The following ZFPM2 variants were observed in gnomAD, a reference collection of about 807,000 sequenced individuals.
ZFPM2 encodes zinc finger protein ZFPM2.
Under a neutral mutation model 98.6 loss-of-function variants are expected in ZFPM2, and 20 were observed. The ratio of observed to expected loss-of-function variants is 0.20; its 90% confidence interval spans 0.14 to 0.29. The LOEUF is 0.29. ZFPM2 is among the 10% of genes least tolerant of loss of function. ZFPM2 has a pLI of 1.00. For synonymous variants in ZFPM2, 518 were observed against 502.7 expected (o/e 1.03, Z -0.41); for missense variants, 1,310 against 1,388.6 (o/e 0.94, Z 0.90).
At chr8:105,416,752 T>A (rs1381926336) in intron 1 of ZFPM2, among the ~76,000 whole-genome samples, 1 of 152,066 alleles carries the variant, frequency 6.6e-6, no homozygotes, top group Non-Finnish European at 1.5e-5. Flanking sequence ...TTTTGATAAG[T>A]CTATAAGACT....
At chr8:105,531,716 C>T (rs1192970199) in intron 3 of ZFPM2, among the ~76,000 whole-genome samples, 1 of 151,914 alleles carries the variant, frequency 6.6e-6, no homozygotes, top group Non-Finnish European at 1.5e-5. Flanking sequence ...TTTGTTTTGA[C>T]AAAAATATGC....
intron 5 of ZFPM2, among the ~76,000 whole-genome samples, chr8:105,719,922 A>G (rs150266848): frequency 0.014 from 2,097 of 152,052 alleles, 28 homozygotes; most frequent in Admixed American, 0.023. Flanking sequence ...GCAGAGACCA[A>G]TATTAGAGAA....
chr8:105,714,019 A>G (rs1811461937), intron 5 of ZFPM2, among the ~76,000 whole-genome samples: 1 of 152,016 alleles, frequency 6.6e-6, no homozygotes, highest in African/African-American at 2.4e-5. Flanking sequence ...TTTTATAGCA[A>G]TGGTGTTGAA....
chr8:105,798,666 C>A, intron 6 of ZFPM2, 58 bp from the exon 7 acceptor site: 4 of 1,484,654 alleles, frequency 2.7e-6, no homozygotes, highest in Non-Finnish European at 3.7e-6. Context: ...TGCTGCTTTA[C>A]CCACAGTTGG....
intron 5 of ZFPM2, among the ~76,000 whole-genome samples, chr8:105,719,314 C>A (rs1435336446): frequency 3.3e-5 from 5 of 151,836 alleles, no homozygotes; most frequent in Non-Finnish European, 5.9e-5. Flanking sequence ...CATGTCTTTT[C>A]ACTCCTCTTG....
chr8:105,525,728 T>A (rs1207852927), intron 3 of ZFPM2, among the ~76,000 whole-genome samples: 1 of 152,202 alleles, frequency 6.6e-6, no homozygotes, highest in African/African-American at 2.4e-5. Flanking sequence ...TTGCTTTAGA[T>A]GTGTTATATA....
chr8:105,381,941 CT>C (rs1166600868), intron 1 of ZFPM2, among the ~76,000 whole-genome samples: 1 of 152,068 alleles, frequency 6.6e-6, no homozygotes, highest in African/African-American at 2.4e-5. Context: ...GATTGGTAGA[CT>C]TTCTGTTAAG....
Position 105,756,475 on chromosome 8 carries a change from T to C in ZFPM2, c.533-32243T>C, listed in dbSNP as rs1812601069. 2.0e-5 allele frequency among the ~76,000 whole-genome samples: 3 copies of C among 152,168 alleles called. No individual in the cohort carries two copies. The South Asian group carries it at 6.2e-4, about 31-fold the overall frequency. On this transcript the variant is annotated intron_variant, in intron 5 of 7. Coordinates refer to ENST00000407775, the MANE Select transcript of ZFPM2 (RefSeq NM_012082.4). ...AAAAGCTCTGGTGGGCAGTCAAGGC[T>C]TTCAAGCATCCTGACAAATGCCCCT...
intron 1 of ZFPM2, among the ~76,000 whole-genome samples, chr8:105,352,736 T>C (rs1356292525): frequency 2.0e-5 from 3 of 152,144 alleles, no homozygotes; most frequent in Non-Finnish European, 4.4e-5. Flanking sequence ...AGAGCCCAAA[T>C]TGTGGTTCAG....
At chr8:105,594,659 A>G (rs567421531) in intron 4 of ZFPM2, among the ~76,000 whole-genome samples, 3 of 152,124 alleles carry the variant, frequency 2.0e-5, no homozygotes, top group Non-Finnish European at 1.5e-5. Flanking sequence ...CGCAAAGCTA[A>G]TTAATGTACA....
At chr8:105,773,856 A>G (rs1202073106) in intron 5 of ZFPM2, among the ~76,000 whole-genome samples, 2 of 152,094 alleles carry the variant, frequency 1.3e-5, no homozygotes, top group African/African-American at 4.8e-5. Context: ...AAAAGACATG[A>G]TAAGTCAACA....
chr8:105,791,928 C>G (rs183919779), intron 6 of ZFPM2, among the ~76,000 whole-genome samples: 7 of 152,168 alleles, frequency 4.6e-5, no homozygotes, highest in East Asian at 1.9e-4. Context: ...TGTGGGATCG[C>G]TGGTGATATC....
intron 2 of ZFPM2, among the ~76,000 whole-genome samples, chr8:105,432,967 T>A (rs1392422009): frequency 6.6e-6 from 1 of 152,048 alleles, no homozygotes; most frequent in Non-Finnish European, 1.5e-5. Flanking sequence ...GTGGGCATGG[T>A]GGCTTGGGCC....
intron 5 of ZFPM2, among the ~76,000 whole-genome samples, chr8:105,690,514 C>T (rs531760810): frequency 6.6e-6 from 1 of 152,208 alleles, no homozygotes; most frequent in East Asian, 1.9e-4. Flanking sequence ...GAGTAGGAGT[C>T]CTTGCAGGAG....
At chr8:105,731,227 AT>A (rs908611397) in intron 5 of ZFPM2, among the ~76,000 whole-genome samples, 4 of 150,946 alleles carry the variant, frequency 2.6e-5, no homozygotes, top group Admixed American at 1.3e-4. Context: ...CCTTTCCCTT[AT>A]TTTTTTTCAA....
chr8:105,573,684 C>A (rs1815404796), intron 4 of ZFPM2, among the ~76,000 whole-genome samples: 1 of 152,012 alleles, frequency 6.6e-6, no homozygotes, highest in Admixed American at 6.6e-5. Flanking sequence ...ATATACAAAA[C>A]GTGATTTGTA....
intron 3 of ZFPM2, among the ~76,000 whole-genome samples, chr8:105,456,147 T>TTTTTTG (rs1812585740): frequency 1.0e-5 from 1 of 95,496 alleles, no homozygotes; most frequent in South Asian, 3.6e-4. Context: ...CAGGAAAATG[T>TTTTTTG]TTTTTTTTGT....
At chr8:105,767,141 G>A (rs1812872081) in intron 5 of ZFPM2, among the ~76,000 whole-genome samples, 1 of 151,622 alleles carries the variant, frequency 6.6e-6, no homozygotes. Flanking sequence ...AGGGGTTAGG[G>A]GTGCAGTCTG....
chr8:105,690,038 A>G (rs1417427566), intron 5 of ZFPM2, among the ~76,000 whole-genome samples: 5 of 152,316 alleles, frequency 3.3e-5, no homozygotes, highest in Admixed American at 6.5e-5. Context: ...ACTTTTATCC[A>G]TCTCTGTATC....
Sources: gnomAD v4.1 joint callset for allele counts (sites outside exome capture counted in the v4.1 genomes callset) on GRCh38, gnomAD v4.1.1 for gene constraint, MANE v1.5 for transcripts, NCBI Gene and HGNC (gene_info 2026-07-23, HGNC 2026-07-21) for gene names.